The following LRP1B variants were observed in gnomAD, a reference collection of about 807,000 sequenced individuals.
The protein encoded by LRP1B is LDL receptor related protein 1B.
Under a neutral mutation model 556.6 loss-of-function variants are expected in LRP1B, and 217 were observed. That is an observed-to-expected ratio of 0.39 (90% CI 0.35 to 0.44). The LOEUF is 0.44. LRP1B is among the 20% of genes least tolerant of loss of function. LRP1B has a pLI of 1.00. For synonymous variants in LRP1B, 2,047 were observed against 1,865.8 expected, an observed-to-expected ratio of 1.10 and a Z score of -2.50; for missense variants, 5,053 against 5,620.8, an observed-to-expected ratio of 0.90 and a Z score of 3.23.
chr2:140,554,921 T>C (rs1212320044), intron 43 of LRP1B, among the ~76,000 whole-genome samples: 1 of 151,592 alleles, frequency 6.6e-6, no homozygotes, highest in African/African-American at 2.4e-5. Flanking sequence ...CTTTGTACTT[T>C]ATTTGCGTAT....
chr2:140,648,627 G>T (rs1292841829), intron 41 of LRP1B, among the ~76,000 whole-genome samples: 1 of 151,924 alleles, frequency 6.6e-6, no homozygotes, highest in African/African-American at 2.4e-5. Context: ...CGGGTTCAGG[G>T]GTAATCTCTG....
chr2:140,913,913 C>T (rs759274716), intron 21 of LRP1B, among the ~76,000 whole-genome samples: 11 of 151,918 alleles, frequency 7.2e-5, no homozygotes, highest in East Asian at 1.9e-4. Context: ...TTTGTTTAAT[C>T]GAATTCACAC....
rs1697889672 is a variant in LRP1B at position 141,016,012 on chromosome 2, T to G, written c.1971-97A>C. 8.9e-6 allele frequency: 8 copies of G among 896,296 alleles called. No homozygotes were observed. The Admixed American group carries it at 1.5e-4, about 16-fold the overall frequency. The allele number at this position is 896,296 out of a possible 1,614,324, so 55.5% of individuals were successfully genotyped here. ...GATTTGGCAGTTCCATAAATTCTAG[T>G]TTCATTCTGATTTGTCCTCCTATCT... On this transcript the variant is annotated intron_variant, in intron 12 of 90. Transcript: ENST00000389484.
rs183530568 is a variant in LRP1B at position 141,104,054 on chromosome 2, C to T, written c.1014-41781G>A. 9.2e-5 allele frequency among the ~76,000 whole-genome samples: 14 copies of T among 151,990 alleles called. No individual in the cohort carries two copies. In the East Asian group the frequency reaches 1.7e-3, roughly 19 times the overall value. On this transcript the variant is annotated intron_variant, in intron 7 of 90. Coordinates refer to ENST00000389484, the MANE Select transcript of LRP1B (RefSeq NM_018557.3). ...TTTTAATATATTGTTTGAGCTTATA[C>T]GTCAACACTCTTTTGTCCTGGAATG...
intron 3 of LRP1B, among the ~76,000 whole-genome samples, chr2:141,420,587 T>TGG (rs1680099913): frequency 6.6e-6 from 1 of 152,192 alleles, no homozygotes; most frequent in African/African-American, 2.4e-5. Context: ...GTGAAACATC[T>TGG]GAAGTATGCC....
At chr2:141,471,279 T>TTGTTTTTGTTTTTG (rs1682458073) in intron 3 of LRP1B, among the ~76,000 whole-genome samples, 5 of 134,730 alleles carry the variant, frequency 3.7e-5, no homozygotes, top group Non-Finnish European at 3.2e-5. Context: ...TTTTTTTTTT[T>TTGTTTTTGTTTTTG]TTTTTTTTTT....
intron 41 of LRP1B, among the ~76,000 whole-genome samples, chr2:140,607,381 GA>G (rs1055291313): frequency 4.6e-5 from 7 of 151,980 alleles, no homozygotes; most frequent in African/African-American, 1.7e-4. Flanking sequence ...GTTAAACATA[GA>G]GTTACCAAGT....
rs539530779 is a variant in LRP1B, at chr2:141,896,833, T to G, written c.83-86432A>C. 3.9e-5 allele frequency among the ~76,000 whole-genome samples: 6 copies of G among 152,290 alleles called. No homozygotes were observed. The South Asian group carries it at 1.2e-3, about 32-fold the overall frequency. ...TGAAAATGCATTCCAAATCTAAAAA[T>G]AGATGATCGAAATTGATTTGCCCCA... On this transcript the variant is annotated intron_variant, in intron 1 of 90. Transcript: ENST00000389484.
chr2:140,986,646 A>C (rs1328340786), intron 17 of LRP1B, among the ~76,000 whole-genome samples: 1 of 152,228 alleles, frequency 6.6e-6, no homozygotes, highest in South Asian at 2.1e-4. Context: ...TGAAGACCAA[A>C]TTCCTTACTC....
At chr2:140,884,057 C>G (rs2105187922) in intron 24 of LRP1B, 36 bp from the exon 25 acceptor site, 1 of 1,588,630 alleles carries the variant, frequency 6.3e-7, no homozygotes, top group Non-Finnish European at 8.6e-7. Flanking sequence ...TGCACCCATT[C>G]AAGGATTGTG....
At chr2:141,744,261 T>C (rs1156634567) in intron 2 of LRP1B, among the ~76,000 whole-genome samples, 1 of 152,164 alleles carries the variant, frequency 6.6e-6, no homozygotes, top group East Asian at 1.9e-4. Flanking sequence ...TTCAGGAGCA[T>C]ACTGTTTAAC....
intron 3 of LRP1B, among the ~76,000 whole-genome samples, chr2:141,426,940 T>C (rs927382216): frequency 1.3e-5 from 2 of 152,172 alleles, no homozygotes; most frequent in African/African-American, 2.4e-5. Context: ...GTTTGTTACA[T>C]AGGTATACAC....
chr2:141,322,379 G>A (rs536638857), intron 3 of LRP1B, among the ~76,000 whole-genome samples: 12 of 152,080 alleles, frequency 7.9e-5, no homozygotes, highest in Admixed American at 2.6e-4. Flanking sequence ...ACCTGATACC[G>A]GGGTATCTTG....
At chr2:141,525,467 T>C (rs1684665697) in intron 2 of LRP1B, among the ~76,000 whole-genome samples, 1 of 152,074 alleles carries the variant, frequency 6.6e-6, no homozygotes, top group African/African-American at 2.4e-5. Flanking sequence ...ACTATCATCA[T>C]TACCAACAGA....
At chr2:141,315,252 A>ATTT (rs34839276) in intron 3 of LRP1B, among the ~76,000 whole-genome samples, 10,374 of 77,158 alleles carry the variant, frequency 0.13, 1,700 homozygotes, top group South Asian at 0.22. Context: ...AATGATTGTA[A>ATTT]TTTTTTTTTT....
rs538863631 is a variant in LRP1B at position 141,051,020 on chromosome 2, G to A, written c.1553-1798C>T. Among the ~76,000 whole-genome samples the A allele has an allele frequency of 6.6e-5, 10 of 152,048 alleles. No individual in the cohort carries two copies. In the South Asian group the frequency reaches 1.2e-3, roughly 19 times the overall value. On this transcript the variant is annotated intron_variant, in intron 10 of 90. Transcript: ENST00000389484. ...AGACATTTATGCAGCCAACAAACACGAATAAAAGCTCAACATCACCTGTCA... is the reference window on the plus strand; with the variant it reads ...AGACATTTATGCAGCCAACAAACACAAATAAAAGCTCAACATCACCTGTCA...
At chr2:142,064,306 T>C (rs1705023427) in intron 1 of LRP1B, among the ~76,000 whole-genome samples, 1 of 151,598 alleles carries the variant, frequency 6.6e-6, no homozygotes. Context: ...CCAAAATGGC[T>C]TTTATCAGAG....
chr2:140,725,345 C>A (rs1372641026), intron 35 of LRP1B, among the ~76,000 whole-genome samples: 1 of 151,456 alleles, frequency 6.6e-6, no homozygotes, highest in Non-Finnish European at 1.5e-5. Context: ...TTTTCATTCA[C>A]TTCTCACTCT....
intron 2 of LRP1B, among the ~76,000 whole-genome samples, chr2:141,502,249 G>A (rs1314883652): frequency 6.6e-6 from 1 of 152,138 alleles, no homozygotes; most frequent in Admixed American, 6.5e-5. Context: ...GGGGACAAGA[G>A]AATATTTTTA....
Sources: allele counts gnomAD v4.1 joint callset (sites outside exome capture counted in the v4.1 genomes callset), GRCh38; gene constraint gnomAD v4.1.1; transcripts MANE v1.5; gene names NCBI Gene and HGNC (gene_info 2026-07-23, HGNC 2026-07-21).